The following ITPR1 variants were observed in gnomAD, a reference collection of about 807,000 sequenced individuals.
ITPR1 encodes inositol 1,4,5-trisphosphate receptor type 1.
A neutral mutation model predicts 318.4 loss-of-function variants in ITPR1; 96 were observed. The ratio of observed to expected loss-of-function variants is 0.30; its 90% confidence interval spans 0.26 to 0.36. ITPR1 has a LOEUF of 0.36. ITPR1 is among the 10% of genes least tolerant of loss of function. The pLI, the probability that ITPR1 is intolerant of heterozygous loss-of-function variation, is 1.00. For synonymous variants in ITPR1, 1,312 were observed against 1,289.9 expected (o/e 1.02, Z -0.37); for missense variants, 2,440 against 3,460.2 (o/e 0.71, Z 7.40).
intron 53 of ITPR1, chr3:4,800,126 T>A (rs2125422694): frequency 2.6e-6 from 1 of 389,970 alleles, no homozygotes; most frequent in East Asian, 5.9e-5. Context: ...ACTCCTGACA[T>A]GTTTTTGTGG....
At chr3:4,684,470 G>A in intron 29 of ITPR1, 124 bp downstream of exon 29, 2 of 697,236 alleles carry the variant, frequency 2.9e-6, no homozygotes, top group South Asian at 1.8e-5. Context: ...TTAACAGGGA[G>A]AAAGTAGAGC....
chr3:4,601,510 A>G (rs1470511784), intron 4 of ITPR1, among the ~76,000 whole-genome samples: 1 of 152,112 alleles, frequency 6.6e-6, no homozygotes, highest in Non-Finnish European at 1.5e-5. Context: ...AAAAAAAAAA[A>G]AAAAAGTGTT....
intron 4 of ITPR1, among the ~76,000 whole-genome samples, chr3:4,535,824 G>A (rs1225876425): frequency 6.6e-6 from 1 of 152,080 alleles, no homozygotes; most frequent in East Asian, 1.9e-4. Context: ...AATGCCTAAT[G>A]TGTGATTAAG....
rs2306877 is a variant in ITPR1 at position 4,675,127 on chromosome 3, A to G, written c.2658A>G (p.Leu886=). 1 of 1,607,056 alleles carries G rather than the reference A, an allele frequency of 6.2e-7. No homozygotes were observed. The highest frequency in any genetic ancestry group is 8.5e-7 in the Non-Finnish European group (1 of 1,174,098). ...GTTTCTACAACTTCTCTGACCTTCT[A>G]CGATTAACTAAGATCCTTCTGGCCA... ...YFGFYNFSDL[L]RLTKILLAIL... Residue 886 remains leucine (L), a synonymous_variant, in exon 23 of 62, where the codon CTA becomes CTG. Transcript: ENST00000649015.
chr3:4,504,948 T>C (rs935710748), intron 2 of ITPR1, among the ~76,000 whole-genome samples: 9 of 152,074 alleles, frequency 5.9e-5, no homozygotes, highest in South Asian at 2.1e-4. Context: ...CCTCTTCCTT[T>C]TTCTGGGCAT....
chr3:4,555,123 T>C (rs2085996067), intron 4 of ITPR1, among the ~76,000 whole-genome samples: 1 of 152,152 alleles, frequency 6.6e-6, no homozygotes, highest in Non-Finnish European at 1.5e-5. Flanking sequence ...GAATTCAGTG[T>C]TTTTATTTGT....
At chr3:4,724,832 C>T (rs944691768) in intron 40 of ITPR1, among the ~76,000 whole-genome samples, 11 of 152,092 alleles carry the variant, frequency 7.2e-5, no homozygotes, top group African/African-American at 2.7e-4. Flanking sequence ...ATTATTAAAT[C>T]AAGGGGGAGG....
intron 53 of ITPR1, among the ~76,000 whole-genome samples, chr3:4,797,164 C>G (rs1320065496): frequency 2.0e-5 from 3 of 151,302 alleles, no homozygotes; most frequent in Non-Finnish European, 4.4e-5. Flanking sequence ...CTGATATGAC[C>G]CAAGGAAGCC....
intron 36 of ITPR1, among the ~76,000 whole-genome samples, chr3:4,705,216 T>C (rs2094732268): frequency 6.6e-6 from 1 of 152,248 alleles, no homozygotes; most frequent in African/African-American, 2.4e-5. Flanking sequence ...TTATTAGTCT[T>C]AATTATCTTC....
At chr3:4,518,186 C>T (rs1457834199) in intron 3 of ITPR1, among the ~76,000 whole-genome samples, 1 of 152,152 alleles carries the variant, frequency 6.6e-6, no homozygotes, top group African/African-American at 2.4e-5. Flanking sequence ...TGCACAGCCC[C>T]TATCTGGATG....
intron 5 of ITPR1, 108 bp from the exon 6 acceptor site, chr3:4,639,276 G>A (rs1358477027): frequency 1.5e-5 from 12 of 809,110 alleles, no homozygotes; most frequent in East Asian, 5.6e-5. Context: ...AGGGATTTGC[G>A]TATTTCGGTG....
At chr3:4,777,987 C>G (rs1025260725) in intron 48 of ITPR1, among the ~76,000 whole-genome samples, 7 of 152,198 alleles carry the variant, frequency 4.6e-5, no homozygotes, top group Non-Finnish European at 8.8e-5. Context: ...CTGCAGGTGA[C>G]TGATGTGGAA....
chr3:4,842,602 A>C (rs968278201), intron 61 of ITPR1, among the ~76,000 whole-genome samples: 1 of 152,174 alleles, frequency 6.6e-6, no homozygotes, highest in Non-Finnish European at 1.5e-5. Flanking sequence ...TCCTGGCCTC[A>C]AGTGATCTGC....
intron 59 of ITPR1, among the ~76,000 whole-genome samples, chr3:4,817,015 C>A (rs2049348058): frequency 6.6e-6 from 1 of 151,936 alleles, no homozygotes; most frequent in South Asian, 2.1e-4. Context: ...TTATTTTATT[C>A]AATGGGCTAT....
At chr3:4,681,483 C>A in intron 26 of ITPR1, 65 bp downstream of exon 26, 1 of 1,085,606 alleles carries the variant, frequency 9.2e-7, no homozygotes, top group Non-Finnish European at 1.4e-6. Context: ...CAGAGGCCTT[C>A]CCTTTATTAT....
chr3:4,520,350 T>C (rs761849001), intron 3 of ITPR1, among the ~76,000 whole-genome samples: 11 of 152,224 alleles, frequency 7.2e-5, no homozygotes, highest in Non-Finnish European at 1.5e-4. Context: ...TATTTATTTG[T>C]AATTTTTTGT....
At chr3:4,512,559 AG>A (rs2081914348) in intron 2 of ITPR1, among the ~76,000 whole-genome samples, 1 of 152,196 alleles carries the variant, frequency 6.6e-6, no homozygotes, top group East Asian at 1.9e-4. Flanking sequence ...TGGGTCATAT[AG>A]GAGTTCATTT....
intron 26 of ITPR1, 105 bp downstream of exon 26, chr3:4,681,523 G>T: frequency 1.3e-6 from 1 of 799,914 alleles, no homozygotes; most frequent in Non-Finnish European, 2.1e-6. Context: ...CTGGGCTTAG[G>T]TTGTTTTGGT....
chr3:4,844,363 G>T (rs1234644144), intron 61 of ITPR1, among the ~76,000 whole-genome samples: 4 of 152,068 alleles, frequency 2.6e-5, no homozygotes, highest in African/African-American at 7.2e-5. Flanking sequence ...GGCTCAAGCA[G>T]TCTGCCCACC....
Sources: gnomAD v4.1 joint callset for allele counts (sites outside exome capture counted in the v4.1 genomes callset) on GRCh38, gnomAD v4.1.1 for gene constraint, MANE v1.5 for transcripts, NCBI Gene and HGNC (gene_info 2026-07-23, HGNC 2026-07-21) for gene names.